ZBTB39: variants seen among roughly 807,000 people sequenced by gnomAD.
ZBTB39 encodes zinc finger and BTB domain-containing protein 39.
ZBTB39 carries 25 observed loss-of-function variants against 39.4 expected under a neutral mutation model. The observed-to-expected ratio is 0.63, with a 90% CI of 0.46 to 0.89. The LOEUF is 0.89. Among genes scored for constraint, ZBTB39 ranks in the 40% least tolerant of loss-of-function variants. The probability of loss-of-function intolerance (pLI) is 0.00; values close to 1 mark genes in which losing one functional copy is unlikely to be tolerated. For synonymous variants in ZBTB39, 373 were observed against 359.6 expected (o/e 1.04, Z -0.42); for missense variants, 891 against 909.7 (o/e 0.98, Z 0.26).
Position 57,002,973 on chromosome 12 carries a change from T to G in ZBTB39, c.1945A>C (p.Lys649Gln), listed in dbSNP as rs771915173. The stretch of plus-strand genomic sequence containing the variant: ...CCCGAGTGTGTCTTTAGGTGGCACT[T>G]GATGGTCGAGCGGCCTCGAAAGAAC... ...HKFFRGRSTI[K>Q]CHLKTHSGAL... Residue 649 changes from lysine (K) to glutamine (Q), a missense_variant, in exon 2 of 2, where the codon AAG becomes CAG. By Grantham distance (53) the Lys-to-Gln change is moderately conservative (BLOSUM62 1). Transcript: ENST00000300101. 6.2e-7 allele frequency: 1 copy of G among 1,614,256 alleles called. No individual in the cohort carries two copies. The highest frequency in any genetic ancestry group is 2.2e-5 in the East Asian group (1 of 44,886).
rs1271405540 is a variant in ZBTB39, at chr12:57,004,300, C to T, written c.618G>A (p.Pro206=). 1.6e-5 allele frequency: 26 copies of T among 1,614,000 alleles called. No individual in the cohort carries two copies. Among genetic ancestry groups the T allele is most frequent in the South Asian group, 3.3e-5 (3 of 91,072 alleles). The part of the protein sequence containing the change: ...SLHLPQPPPP[P]PKTEDHDTPA... ...GGGTGTCATGGTCTTCTGTCTTTGG[C>T]GGTGGTGGGGGCGGTTGCGGCAGAT... The change falls in exon 2 of 2, where the codon CCG becomes CCA. Residue 206 remains proline (P), a synonymous_variant. Coordinates refer to ENST00000300101, the MANE Select transcript of ZBTB39 (RefSeq NM_014830.3).
chr12:57,000,891 G>C lies in ZBTB39; in HGVS notation c.*1888C>G, dbSNP rs1445963151. ...ACAAGGATGGAGCTTTGGTTTGTCT[G>C]ACATCTCAATATAAATAAAGACAGG... On this transcript the variant is annotated 3_prime_UTR_variant, in exon 2 of 2. Coordinates refer to ENST00000300101, the MANE Select transcript of ZBTB39 (RefSeq NM_014830.3). 3 of 152,218 alleles carry C rather than the reference G, an allele frequency of 2.0e-5. No individual in the cohort carries two copies. Among genetic ancestry groups the C allele is most frequent in the Non-Finnish European group, 4.4e-5 (3 of 68,092 alleles). 9.4% of individuals were successfully genotyped at this position (152,218 alleles called of 1,614,324 possible).
rs2136411888 is a variant in ZBTB39, at chr12:57,006,474, G to C, written c.-114C>G. The C allele has an allele frequency of 6.7e-6, 1 of 148,954 alleles. No individual in the cohort carries two copies. Among genetic ancestry groups the C allele is most frequent in the East Asian group, 2.0e-4 (1 of 5,006 alleles). 9.2% of individuals were successfully genotyped at this position (148,954 alleles called of 1,614,324 possible). On this transcript the variant is annotated 5_prime_UTR_variant, in exon 1 of 2. Coordinates refer to ENST00000300101, the MANE Select transcript of ZBTB39 (RefSeq NM_014830.3). ...ACAAAGGCCCCGGCCCGCCGTGCCC[G>C]GCCCGACGAGGAGGCGGCGCCGCCG... is the stretch of plus-strand genomic sequence containing the variant.
Position 57,002,853 on chromosome 12 carries a change from G to A in ZBTB39, c.2065C>T (p.Pro689Ser), listed in dbSNP as rs3741576. The change falls in exon 2 of 2, where the codon CCT becomes TCT. Residue 689 changes from proline to serine, a missense_variant. Pro to Ser is a moderately conservative substitution (Grantham distance 74). Coordinates refer to ENST00000300101, the MANE Select transcript of ZBTB39 (RefSeq NM_014830.3). ...HVGVHKGSLPPDFTIEQTFMY... is the reference protein window; with the variant it reads ...HVGVHKGSLPSDFTIEQTFMY... Reference sequence around the variant, plus strand: ...AAGGTCTGCTCGATGGTGAAGTCAGGGGGGAGGCTGCCTTTGTGCACACCA... The same window carrying A: ...AAGGTCTGCTCGATGGTGAAGTCAGAGGGGAGGCTGCCTTTGTGCACACCA... 1.9e-5 allele frequency: 30 copies of A among 1,614,118 alleles called. No individual in the cohort carries two copies. The highest frequency in any genetic ancestry group is 1.6e-4 in the Middle Eastern group (1 of 6,084).
At position 57,004,327 on chromosome 12, in the gene ZBTB39, C is replaced by T; in HGVS notation, c.591G>A (p.Leu197=). 6.2e-7 allele frequency: 1 copy of T among 1,614,164 alleles called. No individual in the cohort carries two copies. Among genetic ancestry groups the T allele is most frequent in the South Asian group, 1.1e-5 (1 of 91,082 alleles). The stretch of plus-strand genomic sequence containing the variant: ...GTGGTGGGGGCGGTTGCGGCAGATG[C>T]AGGCTATGGTTAGCGTCACTGGCAA... The part of the protein sequence containing the change: ...KNVASDANHS[L]HLPQPPPPPP... The change falls in exon 2 of 2, where the codon CTG becomes CTA. Residue 197 remains leucine, a synonymous_variant. Coordinates refer to ENST00000300101, the MANE Select transcript of ZBTB39 (RefSeq NM_014830.3).
rs1956212802 is a variant in ZBTB39 at position 57,002,049 on chromosome 12, A to G, written c.*730T>C. The G allele has an allele frequency of 1.3e-5, 2 of 152,662 alleles. No individual in the cohort carries two copies. Among genetic ancestry groups the G allele is most frequent in the Non-Finnish European group, 2.9e-5 (2 of 68,064 alleles). The allele number at this position is 152,662 out of a possible 1,614,324, so 9.5% of individuals were successfully genotyped here. On this transcript the variant is annotated 3_prime_UTR_variant, in exon 2 of 2. Coordinates refer to ENST00000300101, the MANE Select transcript of ZBTB39 (RefSeq NM_014830.3). The stretch of plus-strand genomic sequence containing the variant: ...ATCCTGTTTCTTTGGAAATGAGGAG[A>G]AAAGAGAAACCTCTCCTGTCCATCC...
chr12:57,004,151 C>T lies in ZBTB39; in HGVS notation c.767G>A (p.Ser256Asn). The T allele has an allele frequency of 6.2e-7, 1 of 1,614,178 alleles. No homozygotes were observed. The highest frequency in any genetic ancestry group is 1.3e-5 in the African/African-American group (1 of 75,036). Reference sequence around the variant, plus strand: ...GTCAGGGGTGAGGAAGCTGTTTTTACTGAAGTCTCCATTGCTTTGAACTTT... The same window carrying T: ...GTCAGGGGTGAGGAAGCTGTTTTTATTGAAGTCTCCATTGCTTTGAACTTT... ...PYKVQSNGDFSKNSFLTPDNA... is the reference protein window; with the variant it reads ...PYKVQSNGDFNKNSFLTPDNA... Residue 256 changes from serine to asparagine, a missense_variant, in exon 2 of 2, where the codon AGT becomes AAT. Physicochemically the swap from Ser to Asn is conservative, Grantham distance 46. Transcript: ENST00000300101.
At position 57,002,458 on chromosome 12, in the gene ZBTB39, C is replaced by A. The variant is rs1296453479; in HGVS notation, c.*321G>T. ...TAGCAGCATAAAACCTATCAGTAAA[C>A]TAAAACTAGAGAGGCTGGGGAAGGG... On this transcript the variant is annotated 3_prime_UTR_variant, in exon 2 of 2. Transcript: ENST00000300101. The A allele has an allele frequency of 6.1e-6, 2 of 326,318 alleles. No homozygotes were observed. The allele number at this position is 326,318 out of a possible 1,614,324, so 20.2% of individuals were successfully genotyped here.
Position 57,004,584 on chromosome 12 carries a change from C to A in ZBTB39, c.334G>T (p.Glu112Ter). The A allele has an allele frequency of 6.2e-7, 1 of 1,614,192 alleles. No individual in the cohort carries two copies. The highest frequency in any genetic ancestry group is 8.5e-7 in the Non-Finnish European group (1 of 1,180,038). ...GAGTGACAGGCCTGGAGGAGGTCCT[C>A]CATACCCAGACGCTCAGCTACCTCG... ...IYEVAERLGMEDLLQACHSTF... is the reference protein window; with the variant it reads ...IYEVAERLGM The change falls in exon 2 of 2, where the codon GAG becomes TAG. Residue 112 changes from glutamate to a stop codon, truncating the protein, a stop_gained. Transcript: ENST00000300101. LOFTEE classifies it high-confidence loss of function.
rs1014625461 is a variant in ZBTB39 at position 57,004,432 on chromosome 12, A to G, written c.486T>C (p.Gly162=). ...PAHPLGELRG[G]GDYLGADRNY... ...TTCTATCAGCACCAAGGTAGTCCCC[A>G]CCACCTCGGAGTTCTCCAAGGGGAT... is the stretch of plus-strand genomic sequence containing the variant. Residue 162 remains glycine, a synonymous_variant, in exon 2 of 2, where the codon GGT becomes GGC. Transcript: ENST00000300101. The G allele has an allele frequency of 2.5e-6, 4 of 1,614,218 alleles. 1 individual carries two copies. In the South Asian group the frequency reaches 4.4e-5, roughly 18 times the overall value.
chr12:57,003,279 A>G lies in ZBTB39; in HGVS notation c.1639T>C (p.Phe547Leu). 2 of 1,614,170 alleles carry G rather than the reference A, an allele frequency of 1.2e-6. No homozygotes were observed. The highest frequency in any genetic ancestry group is 1.7e-6 in the Non-Finnish European group (2 of 1,179,998). Residue 547 changes from phenylalanine to leucine, a missense_variant, in exon 2 of 2, where the codon TTC (phenylalanine) becomes CTC (leucine). Physicochemically the swap from Phe to Leu is conservative, Grantham distance 22 (BLOSUM62 0). Transcript: ENST00000300101. This position sits in a 1 kb window ranked among gnomAD's most constrained non-coding sequence, Gnocchi z 4.8. ...LFHCRLCSQS[F>L]KSEAAYRYHV... ...TAGCGATAGGCAGCCTCTGACTTGA[A>G]GCTCTGGCTGCACAAGCGGCAGTGG...
rs1956194531 is a variant in ZBTB39, at chr12:56,999,000, AGGAG to A, written c.*3775_*3778del. The A allele has an allele frequency of 6.5e-6, 1 of 152,682 alleles. No individual in the cohort carries two copies. 9.5% of individuals were successfully genotyped at this position (152,682 alleles called of 1,614,324 possible). A position where few individuals can be genotyped will look rare whatever the true frequency, so the allele number is the denominator to read the frequency against. On this transcript the variant is annotated 3_prime_UTR_variant, in exon 2 of 2. Coordinates refer to ENST00000300101, the MANE Select transcript of ZBTB39 (RefSeq NM_014830.3). The stretch of plus-strand genomic sequence containing the variant: ...AATAGATAGTAAACACTTAAATATT[AGGAG>A]GTCAGTACTTATTAATTTAATGGAA...
rs182966445 is a variant in ZBTB39, at chr12:57,004,179, A to T, written c.739T>A (p.Tyr247Asn). 143 of 1,614,082 alleles carry T rather than the reference A, an allele frequency of 8.9e-5. 1 individual carries two copies. In the East Asian group the frequency reaches 1.4e-3, roughly 16 times the overall value. ...IQTSTSSCQP[Y>N]KVQSNGDFSK... ...AAGTCTCCATTGCTTTGAACTTTGT[A>T]TGGCTGGCAGGAGCTCGTGCTGGTC... is the stretch of plus-strand genomic sequence containing the variant. Residue 247 changes from tyrosine to asparagine, a missense_variant, in exon 2 of 2, where the codon TAC becomes AAC. Coordinates refer to ENST00000300101, the MANE Select transcript of ZBTB39 (RefSeq NM_014830.3).
Position 56,999,193 on chromosome 12 carries a change from T to G in ZBTB39, c.*3586A>C, listed in dbSNP as rs1271026174. ...TTATGATGCATAACCACATTGAAAC[T>G]AATGCTGTGCACCCTGCCTCCTGAC... On this transcript the variant is annotated 3_prime_UTR_variant, in exon 2 of 2. Transcript: ENST00000300101. 1 of 152,190 alleles carries G rather than the reference T, an allele frequency of 6.6e-6. No homozygotes were observed. Among genetic ancestry groups the G allele is most frequent in the Non-Finnish European group, 1.5e-5 (1 of 68,046 alleles). 9.4% of individuals were successfully genotyped at this position (152,190 alleles called of 1,614,324 possible).
Position 56,998,852 on chromosome 12 carries a change from T to G in ZBTB39, c.*3927A>C, listed in dbSNP as rs192068913. ...GAACTCTCATTTCAAATTTCTTTTTTTATTCTAAATAAAAACCACACTTTG... is the reference window on the plus strand; with the variant it reads ...GAACTCTCATTTCAAATTTCTTTTTGTATTCTAAATAAAAACCACACTTTG... On this transcript the variant is annotated 3_prime_UTR_variant, in exon 2 of 2. Coordinates refer to ENST00000300101, the MANE Select transcript of ZBTB39 (RefSeq NM_014830.3). 1 of 152,782 alleles carries G rather than the reference T, an allele frequency of 6.5e-6. No individual in the cohort carries two copies. The highest frequency in any genetic ancestry group is 2.4e-5 in the African/African-American group (1 of 41,578). The allele number at this position is 152,782 out of a possible 1,614,324, so 9.5% of individuals were successfully genotyped here. A position where few individuals can be genotyped will look rare whatever the true frequency, so the allele number is the denominator to read the frequency against.
Position 57,003,185 on chromosome 12 carries a change from G to T in ZBTB39, c.1733C>A (p.Ala578Asp). The T allele has an allele frequency of 6.2e-7, 1 of 1,614,114 alleles. No homozygotes were observed. The highest frequency in any genetic ancestry group is 8.5e-7 in the Non-Finnish European group (1 of 1,179,992). ...ARPGFGLQHPALQKRKLPAEE... is the reference protein window; with the variant it reads ...ARPGFGLQHPDLQKRKLPAEE... ...TGCTGGCAGCTTCCGCTTCTGGAGA[G>T]CTGGGTGCTGCAGCCCAAAACCAGG... Residue 578 changes from alanine (A) to aspartate (D), a missense_variant, in exon 2 of 2, where the codon GCT becomes GAT. Transcript: ENST00000300101. The surrounding 1 kb of genome is among the most constrained non-coding windows in gnomAD (Gnocchi z 4.8).
rs1037321800 is a variant in ZBTB39 at position 57,004,834 on chromosome 12, G to C, written c.84C>G (p.Thr28=). ...CCACCACAATGGTGACGTCGCACAT[G>C]GTCTCTGAGAGCCGGCACTTGTTGA... is the stretch of plus-strand genomic sequence containing the variant. The part of the protein sequence containing the change: ...KELNKCRLSE[T]MCDVTIVVGS... Residue 28 remains threonine (T), a synonymous_variant, in exon 2 of 2, where the codon ACC becomes ACG. Coordinates refer to ENST00000300101, the MANE Select transcript of ZBTB39 (RefSeq NM_014830.3). 4.3e-6 allele frequency: 7 copies of C among 1,613,992 alleles called. No homozygotes were observed. The Admixed American group carries it at 8.3e-5, about 19-fold the overall frequency.
chr12:57,004,807 C>T lies in ZBTB39; in HGVS notation c.111G>A (p.Gly37=). The change falls in exon 2 of 2, where the codon GGG becomes GGA. Residue 37 remains glycine (G), a synonymous_variant. Transcript: ENST00000300101. ...ETMCDVTIVV[G]SRSFPAHKAV... The stretch of plus-strand genomic sequence containing the variant: ...CCTTGTGGGCCGGGAAGGAGCGGCT[C>T]CCCACCACAATGGTGACGTCGCACA... 3 of 1,614,180 alleles carry T rather than the reference C, an allele frequency of 1.9e-6. No individual in the cohort carries two copies. The highest frequency in any genetic ancestry group is 2.2e-5 in the South Asian group (2 of 91,080).
chr12:57,003,679 C>T lies in ZBTB39; in HGVS notation c.1239G>A (p.Trp413Ter), dbSNP rs752985346. The part of the protein sequence containing the change: ...DMCETKFFTQ[W>*]QLTLHRRDGI... The stretch of plus-strand genomic sequence containing the variant: ...CATCCCGTCGGTGAAGGGTCAGCTG[C>T]CACTGGGTAAAGAACTTAGTTTCAC... The change falls in exon 2 of 2, where the codon TGG becomes TGA. Residue 413 changes from tryptophan to a stop codon, truncating the protein, a stop_gained. Coordinates refer to ENST00000300101, the MANE Select transcript of ZBTB39 (RefSeq NM_014830.3). LOFTEE classifies it high-confidence loss of function. The surrounding 1 kb of genome is among the most constrained non-coding windows in gnomAD (Gnocchi z 4.8). The T allele has an allele frequency of 5.6e-6, 9 of 1,614,144 alleles. No individual in the cohort carries two copies. The highest frequency in any genetic ancestry group is 7.6e-6 in the Non-Finnish European group (9 of 1,180,036).
Sources: allele counts gnomAD v4.1 joint callset, GRCh38; gene constraint gnomAD v4.1.1; non-coding constraint Gnocchi (gnomAD v3.1); transcripts MANE v1.5; gene names NCBI Gene and HGNC (gene_info 2026-07-23, HGNC 2026-07-21).